The following RAD54B variants were observed in gnomAD, a reference collection of about 807,000 sequenced individuals.
RAD54B encodes the protein RAD54 homolog B.
A neutral mutation model predicts 95.8 loss-of-function variants in RAD54B; 78 were observed. The observed-to-expected ratio is 0.81, with a 90% CI of 0.68 to 0.98. The LOEUF (loss-of-function observed/expected upper bound fraction) is 0.98. Ranked by LOEUF, RAD54B falls within the 50% of genes least tolerant of loss-of-function variation. The probability of loss-of-function intolerance (pLI) is 0.00; values close to 1 mark genes in which losing one functional copy is unlikely to be tolerated. For synonymous variants in RAD54B, 328 were observed against 354.9 expected (o/e 0.92, Z 0.85); for missense variants, 957 against 1,056.6 (o/e 0.91, Z 1.31).
At chr8:94,451,228 T>C (rs998501202) in intron 3 of RAD54B, among the ~76,000 whole-genome samples, 1 of 152,030 alleles carries the variant, frequency 6.6e-6, no homozygotes, top group Non-Finnish European at 1.5e-5. Context: ...ACAAAAACGC[T>C]CAAAAACTGA....
intron 3 of RAD54B, among the ~76,000 whole-genome samples, chr8:94,419,301 A>T (rs1056576473): frequency 9.2e-5 from 14 of 152,178 alleles, no homozygotes; most frequent in African/African-American, 3.1e-4. Context: ...CAAGGTCAGC[A>T]GTTCGAGACC....
intron 1 of RAD54B, among the ~76,000 whole-genome samples, chr8:94,472,487 GATA>G (rs1813195674): frequency 6.6e-6 from 1 of 152,160 alleles, no homozygotes; most frequent in Non-Finnish European, 1.5e-5. Context: ...ACTGAAATAA[GATA>G]ATGAGCCTTC....
chr8:94,473,561 T>C (rs1813221202), intron 1 of RAD54B, among the ~76,000 whole-genome samples: 1 of 152,134 alleles, frequency 6.6e-6, no homozygotes, highest in Non-Finnish European at 1.5e-5. Context: ...AAGCACTCAA[T>C]GTTATCTGTT....
chr8:94,373,648 A>G (rs910334118), intron 14 of RAD54B, among the ~76,000 whole-genome samples: 1 of 152,194 alleles, frequency 6.6e-6, no homozygotes, highest in African/African-American at 2.4e-5. Context: ...AATGAGAAAC[A>G]TATTTCTATT....
At chr8:94,451,853 G>A (rs1027890072) in intron 3 of RAD54B, among the ~76,000 whole-genome samples, 1 of 149,866 alleles carries the variant, frequency 6.7e-6, no homozygotes, top group African/African-American at 2.5e-5. Context: ...CACATATCCT[G>A]GTCCAGCAGG....
At position 94,432,347 on chromosome 8, in the gene RAD54B, T is replaced by C. The variant is rs1176298136; in HGVS notation, c.305-21032A>G. ...GCAGGATCTGAGGATCATACCCTAATAGTGACCTAAAGTGTTCACCACTCT... is the reference window on the plus strand; with the variant it reads ...GCAGGATCTGAGGATCATACCCTAACAGTGACCTAAAGTGTTCACCACTCT... On this transcript the variant is annotated intron_variant, in intron 3 of 14. Transcript: ENST00000336148. 5 of 1,550,256 alleles carry C rather than the reference T, an allele frequency of 3.2e-6. No homozygotes were observed. In the Admixed American group the frequency reaches 9.8e-5, roughly 30 times the overall value.
At chr8:94,392,589 A>G (rs918237001) in intron 9 of RAD54B, among the ~76,000 whole-genome samples, 4 of 148,744 alleles carry the variant, frequency 2.7e-5, no homozygotes, top group Non-Finnish European at 6.0e-5. Context: ...CCTTACAGCT[A>G]AGTTTTTATT....
intron 4 of RAD54B, among the ~76,000 whole-genome samples, chr8:94,409,816 G>A (rs1257451887): frequency 2.0e-5 from 3 of 152,096 alleles, no homozygotes; most frequent in Non-Finnish European, 4.4e-5. Context: ...AGGGGTAAAA[G>A]ATATTCCAAA....
intron 3 of RAD54B, among the ~76,000 whole-genome samples, chr8:94,422,618 ATATATATATATATATATATATAT>A (rs1284761149): frequency 4.1e-5 from 1 of 24,140 alleles, no homozygotes; most frequent in African/African-American, 2.7e-4. Context: ...AAAAAAAAAA[ATATATATATATATATATATATAT>A]ATATATATAT....
chr8:94,382,517 G>C (rs1810768960), intron 11 of RAD54B, among the ~76,000 whole-genome samples: 1 of 152,104 alleles, frequency 6.6e-6, no homozygotes. Context: ...ATCTTTCTTA[G>C]GAAACTACTG....
chr8:94,414,417 G>A (rs1242974463), intron 3 of RAD54B, among the ~76,000 whole-genome samples: 1 of 152,182 alleles, frequency 6.6e-6, no homozygotes, highest in Non-Finnish European at 1.5e-5. Context: ...TTTTCAAAGG[G>A]AATGCTTCCA....
In RAD54B at chr8:94,386,994, G is replaced by C. The variant is rs776427060; in HGVS notation, c.1975C>G (p.Pro659Ala). 4 of 1,596,016 alleles carry C rather than the reference G, an allele frequency of 2.5e-6. No individual in the cohort carries two copies. The South Asian group carries it at 4.6e-5, about 18-fold the overall frequency. ...KLLAVIHELR[P>A]TEKVVLVSNY... ...TTAAATCGATCTTACTTTTCAGTAG[G>C]TCGAAGTTCGTGGATAACCGCTAAG... is the stretch of plus-strand genomic sequence containing the variant. Residue 659 changes from proline (P) to alanine (A), a missense_variant, in exon 11 of 15, where the codon CCT (proline) becomes GCT (alanine). Physicochemically the swap from Pro to Ala is conservative, Grantham distance 27. Coordinates refer to ENST00000336148, the MANE Select transcript of RAD54B (RefSeq NM_012415.3).
intron 1 of RAD54B, among the ~76,000 whole-genome samples, chr8:94,473,812 A>T (rs1179898163): frequency 6.6e-6 from 1 of 152,206 alleles, no homozygotes; most frequent in Admixed American, 6.5e-5. Context: ...TTAGGTAGTA[A>T]TTATTTCACT....
intron 14 of RAD54B, among the ~76,000 whole-genome samples, chr8:94,377,628 A>G (rs556636253): frequency 1.5e-4 from 22 of 151,282 alleles, no homozygotes; most frequent in Non-Finnish European, 2.7e-4. Context: ...ATTTTCCTAA[A>G]TAAGTTCAAT....
intron 3 of RAD54B, among the ~76,000 whole-genome samples, chr8:94,426,315 T>G (rs966659148): frequency 1.3e-5 from 2 of 151,252 alleles, no homozygotes; most frequent in Admixed American, 6.6e-5. Flanking sequence ...TAAAATGATA[T>G]AATCACTTTA....
chr8:94,379,741 G>A (rs79908230), intron 12 of RAD54B, among the ~76,000 whole-genome samples: 2,166 of 152,270 alleles, frequency 0.014, 62 homozygotes, highest in African/African-American at 0.049. Context: ...TCCTAAATAT[G>A]TTACTTTTAT....
chr8:94,451,677 G>A (rs538946234), intron 3 of RAD54B, among the ~76,000 whole-genome samples: 105 of 152,184 alleles, frequency 6.9e-4, no homozygotes, highest in Middle Eastern at 6.8e-3. Flanking sequence ...CCAAAAATGT[G>A]TAAACTAAAA....
chr8:94,448,433 C>G (rs1260109690), intron 3 of RAD54B, among the ~76,000 whole-genome samples: 2 of 152,010 alleles, frequency 1.3e-5, no homozygotes, highest in African/African-American at 4.8e-5. Flanking sequence ...AAAAATAGAA[C>G]TACCATATGA....
rs942282937 is a variant in RAD54B, at chr8:94,430,079, C to A, written c.305-18764G>T. On this transcript the variant is annotated intron_variant, in intron 3 of 14. Transcript: ENST00000336148. ...CTGTAATCCCAGCACTTTGGGAGGC[C>A]GAGGCGGGCAGATCACGAGGTCAGG... is the stretch of plus-strand genomic sequence containing the variant. 4.3e-6 allele frequency: 4 copies of A among 924,940 alleles called. No individual in the cohort carries two copies. In the African/African-American group the frequency reaches 7.2e-5, roughly 17 times the overall value. 57.3% of individuals were successfully genotyped at this position (924,940 alleles called of 1,614,324 possible).
Sources: allele counts gnomAD v4.1 joint callset (sites outside exome capture counted in the v4.1 genomes callset), GRCh38; gene constraint gnomAD v4.1.1; transcripts MANE v1.5; gene names NCBI Gene and HGNC (gene_info 2026-07-23, HGNC 2026-07-21).